CACNG2: variants seen among roughly 807,000 people sequenced by gnomAD.
CACNG2 encodes the protein calcium voltage-gated channel auxiliary subunit gamma 2.
In CACNG2, 3 loss-of-function variants were observed where a neutral mutation model predicts 25.9. That is an observed-to-expected ratio of 0.12 (90% confidence interval 0.05 to 0.30). The LOEUF (loss-of-function observed/expected upper bound fraction) is 0.30, where lower values mean the gene tolerates loss of function less well. Among genes scored for constraint, CACNG2 ranks in the 10% least tolerant of loss-of-function variants. CACNG2 has a pLI of 1.00. For synonymous variants in CACNG2, 167 were observed against 173.3 expected (o/e 0.96, Z 0.29); for missense variants, 341 against 432.5 (o/e 0.79, Z 1.88).
In CACNG2 at chr22:36,683,050, G is replaced by A. The variant is rs149563344; in HGVS notation, c.211+19316C>T. On this transcript the variant is annotated intron_variant, in intron 1 of 3. Coordinates refer to ENST00000300105, the MANE Select transcript of CACNG2 (RefSeq NM_006078.5). ...TCTTACAGCCAACTAGCTCATGATCGCTCCGGGCCCTCCAAAGGGTAAGTG... is the reference window on the plus strand; with the variant it reads ...TCTTACAGCCAACTAGCTCATGATCACTCCGGGCCCTCCAAAGGGTAAGTG... Among the ~76,000 whole-genome samples, 44 of 152,210 alleles carry A rather than the reference G, an allele frequency of 2.9e-4. 1 individual carries two copies. The highest frequency in any genetic ancestry group is 1.6e-4 in the Non-Finnish European group (11 of 68,012).
rs758135343 is a variant in CACNG2 at position 36,566,395 on chromosome 22, G to C, written c.394C>G (p.His132Asp). The C allele has an allele frequency of 2.5e-6, 4 of 1,614,108 alleles. No individual in the cohort carries two copies. Residue 132 changes from histidine (H) to aspartate (D), a missense_variant, in exon 3 of 4, where the codon CAC (histidine) becomes GAC (aspartate). Physicochemically the swap from His to Asp is moderately conservative, Grantham distance 81 (BLOSUM62 -1). This residue lies in a region of CACNG2 where 169 missense variants were observed against 254.4 expected (regional missense o/e 0.66). Transcript: ENST00000300105. ...IAASEFYKTR[H>D]NIILSAGIFF... ...ATGCCGGCACTCAGGATGATGTTGTGTCGAGTTTTGTAGAACTCGCTGGCT... is the reference window on the plus strand; with the variant it reads ...ATGCCGGCACTCAGGATGATGTTGTCTCGAGTTTTGTAGAACTCGCTGGCT...
chr22:36,621,812 T>C (rs1010960938), intron 1 of CACNG2, among the ~76,000 whole-genome samples: 1 of 152,156 alleles, frequency 6.6e-6, no homozygotes, highest in Admixed American at 6.5e-5. Context: ...CTGGAAATAG[T>C]AGATGCTCAG....
intron 1 of CACNG2, among the ~76,000 whole-genome samples, chr22:36,698,423 C>G (rs1374478967): frequency 6.6e-6 from 1 of 152,184 alleles, no homozygotes; most frequent in Non-Finnish European, 1.5e-5. Flanking sequence ...TGCTAGAAGG[C>G]AAGCGTGTCT....
At chr22:36,609,190 C>A (rs115730806) in intron 1 of CACNG2, among the ~76,000 whole-genome samples, 2 of 143,778 alleles carry the variant, frequency 1.4e-5, no homozygotes, top group Non-Finnish European at 3.0e-5. Context: ...AGCCCCAGAG[C>A]GTGATCGGGC....
chr22:36,577,038 A>G (rs938309788), intron 2 of CACNG2, among the ~76,000 whole-genome samples: 1 of 152,060 alleles, frequency 6.6e-6, no homozygotes, highest in Non-Finnish European at 1.5e-5. Flanking sequence ...GGCTCAGGAG[A>G]AAGGCTGCCG....
intron 2 of CACNG2, among the ~76,000 whole-genome samples, chr22:36,570,273 G>T (rs1935203062): frequency 6.6e-6 from 1 of 152,234 alleles, no homozygotes; most frequent in African/African-American, 2.4e-5. Flanking sequence ...CGGGAGAGCA[G>T]GGAGGGGTCT....
intron 2 of CACNG2, among the ~76,000 whole-genome samples, chr22:36,581,274 T>C (rs1317946136): frequency 6.6e-6 from 1 of 152,160 alleles, no homozygotes; most frequent in African/African-American, 2.4e-5. Flanking sequence ...CTCCTATAGC[T>C]GTTTCTCTAT....
intron 1 of CACNG2, among the ~76,000 whole-genome samples, chr22:36,588,036 C>T (rs972672512): frequency 2.6e-5 from 4 of 152,244 alleles, no homozygotes; most frequent in African/African-American, 9.6e-5. Flanking sequence ...ACTTTCCCAT[C>T]TGCAATTCCG....
intron 1 of CACNG2, among the ~76,000 whole-genome samples, chr22:36,589,961 CA>C (rs1206616270): frequency 6.6e-6 from 1 of 152,214 alleles, no homozygotes; most frequent in African/African-American, 2.4e-5. Context: ...TTCAATCTGA[CA>C]AATATTTCAG....
At chr22:36,702,031 C>T (rs1461546850) in intron 1 of CACNG2, among the ~76,000 whole-genome samples, 3 of 152,016 alleles carry the variant, frequency 2.0e-5, no homozygotes, top group African/African-American at 7.3e-5. Context: ...GATGGCAATG[C>T]TAAATCGGAT....
chr22:36,684,791 T>C (rs1937174510), intron 1 of CACNG2, among the ~76,000 whole-genome samples: 1 of 152,190 alleles, frequency 6.6e-6, no homozygotes, highest in Non-Finnish European at 1.5e-5. Context: ...CGTTTTTGTG[T>C]GTGCATGTGG....
chr22:36,576,784 A>T (rs1935323662), intron 2 of CACNG2, among the ~76,000 whole-genome samples: 1 of 152,100 alleles, frequency 6.6e-6, no homozygotes, highest in Admixed American at 6.5e-5. Context: ...TGCCTTTCCC[A>T]TCTGTGTGAT....
intron 1 of CACNG2, among the ~76,000 whole-genome samples, chr22:36,590,228 C>T (rs1935567864): frequency 6.6e-6 from 1 of 152,170 alleles, no homozygotes. Flanking sequence ...TAGCGCAGTG[C>T]CTGGCACAGA....
chr22:36,647,768 G>C (rs2145972504), intron 1 of CACNG2, among the ~76,000 whole-genome samples: 1 of 152,284 alleles, frequency 6.6e-6, no homozygotes, highest in African/African-American at 2.4e-5. Context: ...ATAGTTACCA[G>C]GTCATCCCTC....
At position 36,563,169 on chromosome 22, in the gene CACNG2, G is replaced by C. The variant is rs186344304; in HGVS notation, c.*1182C>G. On this transcript the variant is annotated 3_prime_UTR_variant, in exon 4 of 4. Coordinates refer to ENST00000300105, the MANE Select transcript of CACNG2 (RefSeq NM_006078.5). ...GTTTTTCCTTTTTCTTTTGTAAAAAGAAGCCTTTTTGCAGTGTCATTGTTG... is the reference window on the plus strand; with the variant it reads ...GTTTTTCCTTTTTCTTTTGTAAAAACAAGCCTTTTTGCAGTGTCATTGTTG... Among the ~76,000 whole-genome samples, 489 of 152,062 alleles carry C rather than the reference G, an allele frequency of 3.2e-3. 1 individual carries two copies. Among genetic ancestry groups the C allele is most frequent in the Middle Eastern group, 6.8e-3 (2 of 294 alleles).
At chr22:36,646,411 G>T (rs1176223096) in intron 1 of CACNG2, among the ~76,000 whole-genome samples, 1 of 152,142 alleles carries the variant, frequency 6.6e-6, no homozygotes, top group Non-Finnish European at 1.5e-5. Flanking sequence ...GATGAAATCC[G>T]AATTAGAAAA....
intron 1 of CACNG2, among the ~76,000 whole-genome samples, chr22:36,600,068 A>C (rs1353282414): frequency 6.6e-6 from 1 of 152,156 alleles, no homozygotes; most frequent in African/African-American, 2.4e-5. Context: ...CAAGTGGACT[A>C]AGGAGCTCCA....
intron 1 of CACNG2, among the ~76,000 whole-genome samples, chr22:36,604,303 A>C (rs1026423199): frequency 6.6e-6 from 1 of 152,240 alleles, no homozygotes; most frequent in African/African-American, 2.4e-5. Flanking sequence ...AAGCAAAGAA[A>C]GTGGTTTCCT....
chr22:36,580,702 G>C (rs917796130), intron 2 of CACNG2, among the ~76,000 whole-genome samples: 3 of 152,184 alleles, frequency 2.0e-5, no homozygotes, highest in African/African-American at 7.2e-5. Context: ...GGCCACAATA[G>C]AGTGGATTTT....
Sources: allele counts gnomAD v4.1 joint callset (sites outside exome capture counted in the v4.1 genomes callset), GRCh38; gene constraint gnomAD v4.1.1; regional missense constraint gnomAD v4.1.1; transcripts MANE v1.5; gene names NCBI Gene and HGNC (gene_info 2026-07-23, HGNC 2026-07-21).